KCNQ5: variants seen among roughly 807,000 people sequenced by gnomAD.
KCNQ5 encodes potassium voltage-gated channel subfamily KQT member 5.
A neutral mutation model predicts 98.2 loss-of-function variants in KCNQ5; 30 were observed. The observed-to-expected ratio is 0.31, with a 90% CI of 0.23 to 0.41. The LOEUF is 0.41. KCNQ5 is among the 10% of genes least tolerant of loss of function. The pLI is 1.00. For synonymous variants in KCNQ5, 458 were observed against 449.4 expected (o/e 1.02, Z -0.24); for missense variants, 835 against 1,182.5 (o/e 0.71, Z 4.31).
chr6:73,144,931 A>G (rs993073713), intron 10 of KCNQ5, among the ~76,000 whole-genome samples: 10 of 152,218 alleles, frequency 6.6e-5, no homozygotes, highest in Non-Finnish European at 1.2e-4. Context: ...CTGTTGGTCA[A>G]AGCAAATGGC....
At chr6:73,035,090 C>G (rs1403213164) in intron 2 of KCNQ5, among the ~76,000 whole-genome samples, 1 of 152,052 alleles carries the variant, frequency 6.6e-6, no homozygotes, top group Non-Finnish European at 1.5e-5. Flanking sequence ...CGTGACCCAC[C>G]CGCCTCGGCT....
At chr6:73,154,116 A>C (rs1420658215) in intron 10 of KCNQ5, among the ~76,000 whole-genome samples, 1 of 152,120 alleles carries the variant, frequency 6.6e-6, no homozygotes, top group Non-Finnish European at 1.5e-5. Context: ...ATTTTTTTCA[A>C]ATATTGTATC....
intron 1 of KCNQ5, among the ~76,000 whole-genome samples, chr6:72,635,496 T>G (rs1432146194): frequency 6.6e-6 from 1 of 152,106 alleles, no homozygotes; most frequent in Non-Finnish European, 1.5e-5. Flanking sequence ...TTTTGATTTT[T>G]TTCTTCTCTT....
Position 73,165,622 on chromosome 6 carries a change from G to T in KCNQ5, c.1469-4124G>T, listed in dbSNP as rs541734568. Among the ~76,000 whole-genome samples the T allele has an allele frequency of 5.5e-4, 84 of 152,284 alleles. 1 individual carries two copies. Among genetic ancestry groups the T allele is most frequent in the Non-Finnish European group, 9.6e-4 (65 of 68,032 alleles). ...CCCTGTGAAGAAAAATGTAATGCAG[G>T]AGATGGGAACCCAGATACCAATAAG... is the stretch of plus-strand genomic sequence containing the variant. On this transcript the variant is annotated intron_variant, in intron 10 of 13. Coordinates refer to ENST00000370398, the MANE Select transcript of KCNQ5 (RefSeq NM_019842.4).
At chr6:72,705,154 G>T (rs1769007307) in intron 1 of KCNQ5, among the ~76,000 whole-genome samples, 1 of 152,132 alleles carries the variant, frequency 6.6e-6, no homozygotes, top group Non-Finnish European at 1.5e-5. Context: ...CACATAGGGA[G>T]GTGGTGACAT....
intron 1 of KCNQ5, among the ~76,000 whole-genome samples, chr6:72,978,187 G>A (rs79156785): frequency 0.03 from 4,558 of 152,232 alleles, 108 homozygotes; most frequent in Middle Eastern, 0.068. Context: ...TATAACAGTC[G>A]AAAAGGCTGT....
Position 72,883,232 on chromosome 6 carries a change from G to T in KCNQ5, c.399-120676G>T, listed in dbSNP as rs142818763. On this transcript the variant is annotated intron_variant, in intron 1 of 13. Transcript: ENST00000370398. ...ACAACGTGATTTTCCCTCTTACACT[G>T]TTTCTATCTATTTATTTATAATAAC... is the stretch of plus-strand genomic sequence containing the variant. Among the ~76,000 whole-genome samples the T allele has an allele frequency of 3.3e-5, 5 of 152,250 alleles. No individual in the cohort carries two copies. The East Asian group carries it at 9.7e-4, about 29-fold the overall frequency.
chr6:73,075,871 C>T (rs1045519413), intron 3 of KCNQ5, among the ~76,000 whole-genome samples: 2 of 152,082 alleles, frequency 1.3e-5, no homozygotes, highest in Non-Finnish European at 2.9e-5. Flanking sequence ...TAGCAATACC[C>T]CATCTCTACA....
intron 1 of KCNQ5, among the ~76,000 whole-genome samples, chr6:72,923,794 GT>G (rs1481608383): frequency 6.6e-6 from 1 of 152,190 alleles, no homozygotes; most frequent in Non-Finnish European, 1.5e-5. Flanking sequence ...AGAACACACA[GT>G]ATTTGGTTTT....
At chr6:72,920,909 A>G (rs1313868809) in intron 1 of KCNQ5, among the ~76,000 whole-genome samples, 3 of 152,192 alleles carry the variant, frequency 2.0e-5, no homozygotes, top group Admixed American at 2.0e-4. Flanking sequence ...TCAATTGGGA[A>G]CAAAAATTAC....
chr6:72,676,724 T>A (rs1157767651), intron 1 of KCNQ5, among the ~76,000 whole-genome samples: 1 of 115,484 alleles, frequency 8.7e-6, no homozygotes, highest in African/African-American at 3.0e-5. Context: ...TTTGACATTT[T>A]CTTTAAAATC....
At chr6:73,119,471 A>T (rs1187404606) in intron 7 of KCNQ5, among the ~76,000 whole-genome samples, 1 of 152,246 alleles carries the variant, frequency 6.6e-6, no homozygotes, top group African/African-American at 2.4e-5. Flanking sequence ...AAATGGAGAG[A>T]GTTGATGTTT....
intron 6 of KCNQ5, among the ~76,000 whole-genome samples, chr6:73,106,749 G>A (rs1775017409): frequency 6.6e-6 from 1 of 152,162 alleles, no homozygotes; most frequent in Non-Finnish European, 1.5e-5. Flanking sequence ...ATGAATTTTG[G>A]AAGGACGCAA....
chr6:72,918,025 A>G (rs755158485), intron 1 of KCNQ5, among the ~76,000 whole-genome samples: 2 of 152,188 alleles, frequency 1.3e-5, no homozygotes, highest in Non-Finnish European at 2.9e-5. Context: ...TAGTTGTAAC[A>G]ACCAAAAATG....
At chr6:72,650,019 C>T (rs1765798844) in intron 1 of KCNQ5, among the ~76,000 whole-genome samples, 1 of 152,108 alleles carries the variant, frequency 6.6e-6, no homozygotes, top group African/African-American at 2.4e-5. Context: ...ATTATTTACA[C>T]AGCTAATGAC....
chr6:73,158,145 G>A (rs1437271782), intron 10 of KCNQ5: 7 of 379,302 alleles, frequency 1.8e-5, no homozygotes, highest in Non-Finnish European at 3.0e-5. Context: ...CTCCTGGTGC[G>A]GGGGAGGGGG....
chr6:72,837,559 C>A (rs1776559006), intron 1 of KCNQ5, among the ~76,000 whole-genome samples: 1 of 152,032 alleles, frequency 6.6e-6, no homozygotes, highest in African/African-American at 2.4e-5. Context: ...GTAATGATTA[C>A]ATTGAAATGG....
intron 1 of KCNQ5, among the ~76,000 whole-genome samples, chr6:72,753,708 G>A (rs1771808642): frequency 6.6e-6 from 1 of 151,974 alleles, no homozygotes; most frequent in African/African-American, 2.4e-5. Flanking sequence ...TTCACATGAT[G>A]TTTGCCACTC....
chr6:72,713,613 A>G (rs1232100817), intron 1 of KCNQ5, among the ~76,000 whole-genome samples: 2 of 152,186 alleles, frequency 1.3e-5, no homozygotes, highest in Admixed American at 1.3e-4. Flanking sequence ...ATTTGCTAAA[A>G]TAAGAAACTG....
Sources: gnomAD v4.1 joint callset for allele counts (sites outside exome capture counted in the v4.1 genomes callset) on GRCh38, gnomAD v4.1.1 for gene constraint, MANE v1.5 for transcripts, NCBI Gene and HGNC (gene_info 2026-07-23, HGNC 2026-07-21) for gene names.